The following ATP10B variants were observed in gnomAD, a reference collection of about 807,000 sequenced individuals.
ATP10B encodes the protein ATPase phospholipid transporting 10B (putative), also known as phospholipid-transporting ATPase VB.
Under a neutral mutation model 141.2 loss-of-function variants are expected in ATP10B, and 122 were observed. The ratio of observed to expected loss-of-function variants is 0.86; its 90% CI spans 0.75 to 1.00. The LOEUF is 1.00. Ranked by LOEUF, ATP10B falls within the 50% of genes least tolerant of loss-of-function variation. The pLI is 0.00. For synonymous variants in ATP10B, 685 were observed against 692.0 expected (o/e 0.99, Z 0.16); for missense variants, 1,876 against 1,825.3 (o/e 1.03, Z -0.51).
At chr5:160,823,856 AT>A (rs1774367332) in intron 1 of ATP10B, among the ~76,000 whole-genome samples, 1 of 152,092 alleles carries the variant, frequency 6.6e-6, no homozygotes, top group Non-Finnish European at 1.5e-5. Context: ...AAAATAACAT[AT>A]TTCATATAGC....
At chr5:160,843,870 T>C (rs1333793440) in intron 1 of ATP10B, among the ~76,000 whole-genome samples, 1 of 152,128 alleles carries the variant, frequency 6.6e-6, no homozygotes, top group Non-Finnish European at 1.5e-5. Context: ...TTTGGGGTTA[T>C]TTTTTAGCTT....
chr5:160,877,888 C>G, the ATP10B span, among the ~76,000 whole-genome samples: 1 of 145,630 alleles, frequency 6.9e-6, no homozygotes, highest in Non-Finnish European at 1.5e-5. Context: ...AAAGAGGAAA[C>G]AAACAAATGG....
intron 1 of ATP10B, among the ~76,000 whole-genome samples, chr5:160,843,904 T>C (rs564116295): frequency 2.6e-5 from 4 of 152,220 alleles, no homozygotes; most frequent in Admixed American, 2.6e-4. Context: ...TTTTCTGTAA[T>C]TTATTTTCTC....
At position 160,593,223 on chromosome 5, in the gene ATP10B, C is replaced by T. The variant is rs536377946; in HGVS notation, c.3565-2084G>A. On this transcript the variant is annotated intron_variant, in intron 22 of 25. Coordinates refer to ENST00000327245, the MANE Select transcript of ATP10B (RefSeq NM_025153.3). Reference sequence around the variant, plus strand: ...CGGGTACTTCTCTGAGACAAAACTTCCAGAGGAACAATCAGACAGCAGCAT... The same window carrying T: ...CGGGTACTTCTCTGAGACAAAACTTTCAGAGGAACAATCAGACAGCAGCAT... Among the ~76,000 whole-genome samples, 7 of 152,304 alleles carry T rather than the reference C, an allele frequency of 4.6e-5. No homozygotes were observed. The South Asian group carries it at 1.2e-3, about 27-fold the overall frequency.
chr5:160,826,958 G>A (rs917620218), intron 1 of ATP10B, among the ~76,000 whole-genome samples: 2 of 152,182 alleles, frequency 1.3e-5, no homozygotes, highest in East Asian at 1.9e-4. Context: ...CAATATGTGT[G>A]CCACTGAACA....
rs763853398 is a variant in ATP10B, at chr5:160,565,642, G to C, written c.4197C>G (p.His1399Gln). The C allele has an allele frequency of 9.3e-6, 15 of 1,613,982 alleles. No homozygotes were observed. Among genetic ancestry groups the C allele is most frequent in the African/African-American group, 1.3e-5 (1 of 74,924 alleles). Residue 1399 changes from histidine to glutamine, a missense_variant, in exon 26 of 26, where the codon CAC (histidine) becomes CAG (glutamine). His to Gln is a conservative substitution (Grantham distance 24). Coordinates refer to ENST00000327245, the MANE Select transcript of ATP10B (RefSeq NM_025153.3). ...KRKHVEESVL[H>Q]EQRCGTECMR... ...TGCACTCCGTGCCACATCTCTGTTC[G>C]TGGAGTACTGACTCTTCCACATGCT... is the stretch of plus-strand genomic sequence containing the variant.
chr5:160,752,533 T>C (rs1424966322), intron 2 of ATP10B, among the ~76,000 whole-genome samples: 1 of 152,246 alleles, frequency 6.6e-6, no homozygotes, highest in African/African-American at 2.4e-5. Flanking sequence ...AGACACCATT[T>C]TATCTTTTTG....
At chr5:160,797,239 G>A (rs756405329) in intron 1 of ATP10B, among the ~76,000 whole-genome samples, 1 of 151,994 alleles carries the variant, frequency 6.6e-6, no homozygotes, top group African/African-American at 2.4e-5. Context: ...CACTGTGTCC[G>A]GCCCACAGAT....
At chr5:160,576,931 A>G (rs990369991) in intron 24 of ATP10B, among the ~76,000 whole-genome samples, 3 of 152,174 alleles carry the variant, frequency 2.0e-5, no homozygotes, top group Middle Eastern at 3.2e-3. Flanking sequence ...TATCATAGGT[A>G]GATGTTGGCA....
chr5:160,637,153 T>C (rs1366944742), intron 10 of ATP10B, among the ~76,000 whole-genome samples: 9 of 101,148 alleles, frequency 8.9e-5, no homozygotes, highest in South Asian at 3.5e-4. Context: ...TCCATCCATC[T>C]GTCCATCCAT....
Position 160,785,699 on chromosome 5 carries a change from C to A in ATP10B, c.-471G>T. ...GGCAGTGGAGAGGAGTTCATTATCT[C>A]CACTGAGTGAGATGAATAATAGGAA... On this transcript the variant is annotated 5_prime_UTR_variant, in exon 2 of 26. Coordinates refer to ENST00000327245, the MANE Select transcript of ATP10B (RefSeq NM_025153.3). 1 of 1,285,580 alleles carries A rather than the reference C, an allele frequency of 7.8e-7. No individual in the cohort carries two copies. The highest frequency in any genetic ancestry group is 1.5e-5 in the African/African-American group (1 of 65,666). 79.6% of individuals were successfully genotyped at this position (1,285,580 alleles called of 1,614,324 possible).
At chr5:160,593,135 A>G (rs931678328) in intron 22 of ATP10B, among the ~76,000 whole-genome samples, 2 of 152,172 alleles carry the variant, frequency 1.3e-5, no homozygotes. Flanking sequence ...GTGACCCCTG[A>G]CCCCTGAGCA....
chr5:160,851,265 C>T (rs1753792359), intron 1 of ATP10B, among the ~76,000 whole-genome samples: 1 of 152,144 alleles, frequency 6.6e-6, no homozygotes, highest in African/African-American at 2.4e-5. Flanking sequence ...TTATTTTTAA[C>T]ATTACTTTTC....
the ATP10B span, among the ~76,000 whole-genome samples, chr5:160,872,390 C>T: frequency 6.6e-6 from 1 of 152,186 alleles, no homozygotes; most frequent in African/African-American, 2.4e-5. Context: ...AATTAACTCC[C>T]AGCTACTTAA....
chr5:160,797,829 G>GGTGACACATC (rs1370233078), intron 1 of ATP10B, among the ~76,000 whole-genome samples: 35 of 152,066 alleles, frequency 2.3e-4, no homozygotes, highest in Middle Eastern at 3.4e-3. Context: ...GGTGACACAT[G>GGTGACACATC]CCTGTCATCT....
At chr5:160,885,083 G>T in the ATP10B span, among the ~76,000 whole-genome samples, 2 of 152,138 alleles carry the variant, frequency 1.3e-5, no homozygotes, top group Non-Finnish European at 2.9e-5. Flanking sequence ...CATTATGTTT[G>T]ATCCCACAAG....
At chr5:160,625,332 A>G (rs1447768427) in intron 13 of ATP10B, among the ~76,000 whole-genome samples, 2 of 152,238 alleles carry the variant, frequency 1.3e-5, no homozygotes, top group Non-Finnish European at 2.9e-5. Flanking sequence ...ATGCGTTTGT[A>G]TATCTAATCC....
intron 3 of ATP10B, among the ~76,000 whole-genome samples, chr5:160,694,622 A>T (rs1764262373): frequency 6.6e-6 from 1 of 152,160 alleles, no homozygotes; most frequent in African/African-American, 2.4e-5. Context: ...AATTGACTCC[A>T]GTTCCTTTCT....
the ATP10B span, among the ~76,000 whole-genome samples, chr5:160,882,389 C>A: frequency 1.3e-5 from 2 of 152,078 alleles, no homozygotes; most frequent in African/African-American, 4.8e-5. Flanking sequence ...GCATCTTCCT[C>A]TCAACTTTGC....
Sources: gnomAD v4.1 joint callset for allele counts (sites outside exome capture counted in the v4.1 genomes callset) on GRCh38, gnomAD v4.1.1 for gene constraint, MANE v1.5 for transcripts, NCBI Gene and HGNC (gene_info 2026-07-23, HGNC 2026-07-21) for gene names.